NXPE4: variants seen among roughly 807,000 people sequenced by gnomAD.
NXPE4 encodes the protein neurexophilin and PC-esterase domain family member 4, also known as NXPE family member 4.
NXPE4 carries 42 observed loss-of-function variants against 33.3 expected under a neutral mutation model. The ratio of observed to expected loss-of-function variants is 1.26; its 90% CI spans 0.98 to 1.63. The LOEUF (loss-of-function observed/expected upper bound fraction) is 1.63. NXPE4 is among the 40% of genes most tolerant of loss of function. NXPE4 has a pLI of 0.00. For missense variants in NXPE4, 709 were observed against 647.6 expected, an observed-to-expected ratio of 1.09 and a Z score of -1.03; for synonymous variants, 253 against 234.9, an observed-to-expected ratio of 1.08 and a Z score of -0.71.
the NXPE4 span, among the ~76,000 whole-genome samples, chr11:114,635,381 T>A: frequency 2.7e-5 from 4 of 150,850 alleles, no homozygotes; most frequent in African/African-American, 9.8e-5. Context: ...CAATGGGGTT[T>A]TCTAGATATA....
At chr11:114,614,900 T>C in the NXPE4 span, among the ~76,000 whole-genome samples, 1 of 151,856 alleles carries the variant, frequency 6.6e-6, no homozygotes, top group Non-Finnish European at 1.5e-5. Flanking sequence ...GCCTCTAGGG[T>C]AATCACTGTT....
chr11:114,616,395 C>T, the NXPE4 span, among the ~76,000 whole-genome samples: 5 of 151,518 alleles, frequency 3.3e-5, no homozygotes, highest in Admixed American at 1.3e-4. Context: ...TAATTGTTGC[C>T]TCGTGGGTAA....
At chr11:114,634,174 A>G in the NXPE4 span, among the ~76,000 whole-genome samples, 3 of 151,540 alleles carry the variant, frequency 2.0e-5, no homozygotes, top group African/African-American at 7.3e-5. Flanking sequence ...GTGAGATGGT[A>G]TCTCATTGTG....
the NXPE4 span, among the ~76,000 whole-genome samples, chr11:114,613,761 TAA>T: frequency 2.6e-5 from 4 of 151,886 alleles, no homozygotes; most frequent in African/African-American, 9.7e-5. Context: ...CGGTGGATAA[TAA>T]GTGTTGCCTG....
the NXPE4 span, among the ~76,000 whole-genome samples, chr11:114,662,875 C>A: frequency 1.3e-3 from 192 of 152,238 alleles, no homozygotes; most frequent in African/African-American, 4.3e-3. Flanking sequence ...AGAGCACTTG[C>A]GCCTTGAATA....
the NXPE4 span, among the ~76,000 whole-genome samples, chr11:114,608,361 T>C: frequency 3.3e-5 from 5 of 151,850 alleles, no homozygotes; most frequent in South Asian, 2.1e-4. Context: ...GGGTAACAAC[T>C]CTTACCATGT....
the NXPE4 span, among the ~76,000 whole-genome samples, chr11:114,617,202 C>A: frequency 6.6e-6 from 1 of 151,722 alleles, no homozygotes; most frequent in Non-Finnish European, 1.5e-5. Flanking sequence ...TTGTTGGTAA[C>A]CACTGTTACG....
At chr11:114,630,881 C>G in the NXPE4 span, among the ~76,000 whole-genome samples, 10 of 151,838 alleles carry the variant, frequency 6.6e-5, no homozygotes, top group Non-Finnish European at 1.5e-4. Flanking sequence ...ACAGACACTT[C>G]TTAAAAGAAG....
the NXPE4 span, among the ~76,000 whole-genome samples, chr11:114,661,128 T>C: frequency 1.3e-5 from 2 of 152,120 alleles, no homozygotes; most frequent in Non-Finnish European, 2.9e-5. Context: ...ATAAATGGGC[T>C]CTGTTTGTGG....
At chr11:114,646,518 A>AT in the NXPE4 span, among the ~76,000 whole-genome samples, 1 of 151,972 alleles carries the variant, frequency 6.6e-6, no homozygotes, top group Admixed American at 6.6e-5. Flanking sequence ...GAACAATGTA[A>AT]TTTTTTAAAA....
intron 1 of NXPE4, among the ~76,000 whole-genome samples, chr11:114,595,267 C>A (rs1297558623): frequency 6.6e-6 from 1 of 152,032 alleles, no homozygotes; most frequent in East Asian, 1.9e-4. Context: ...TTTCTAGCAC[C>A]CCCTCAAGCT....
chr11:114,572,071 C>T (rs1251896984), intron 5 of NXPE4, among the ~76,000 whole-genome samples: 1 of 152,150 alleles, frequency 6.6e-6, no homozygotes, highest in Non-Finnish European at 1.5e-5. Flanking sequence ...GGGTCACATC[C>T]TATGGGATTC....
At chr11:114,628,318 G>A in the NXPE4 span, among the ~76,000 whole-genome samples, 3 of 151,734 alleles carry the variant, frequency 2.0e-5, no homozygotes, top group South Asian at 2.1e-4. Flanking sequence ...ATAACAAACT[G>A]TCTCTCAGAC....
At chr11:114,576,511 A>T (rs545160294) in intron 5 of NXPE4, among the ~76,000 whole-genome samples, 1 of 152,232 alleles carries the variant, frequency 6.6e-6, no homozygotes, top group South Asian at 2.1e-4. Context: ...CAAGAAAAAA[A>T]AAGTCCCATC....
chr11:114,638,960 C>T, the NXPE4 span, among the ~76,000 whole-genome samples: 1 of 152,034 alleles, frequency 6.6e-6, no homozygotes, highest in Non-Finnish European at 1.5e-5. Flanking sequence ...TTCAGATCTC[C>T]AGCTGTGAGC....
the NXPE4 span, among the ~76,000 whole-genome samples, chr11:114,637,542 C>A: frequency 6.6e-6 from 1 of 150,928 alleles, no homozygotes; most frequent in African/African-American, 2.4e-5. Context: ...TTAGTTGATA[C>A]AGTTTCTTCC....
At chr11:114,580,057 T>C in intron 5 of NXPE4, 75 bp downstream of exon 5, 1 of 1,253,748 alleles carries the variant, frequency 8.0e-7, no homozygotes, top group Non-Finnish European at 1.2e-6. Flanking sequence ...GAATTTCCCA[T>C]ATTCCCTTCT....
At chr11:114,634,645 G>T in the NXPE4 span, among the ~76,000 whole-genome samples, 3 of 151,990 alleles carry the variant, frequency 2.0e-5, no homozygotes, top group African/African-American at 7.2e-5. Flanking sequence ...TTTGTATAAG[G>T]TGTAAGGAAG....
At chr11:114,601,931 A>C in the NXPE4 span, among the ~76,000 whole-genome samples, 1 of 62,662 alleles carries the variant, frequency 1.6e-5, no homozygotes, top group Non-Finnish European at 2.9e-5. Flanking sequence ...TAATATATTT[A>C]TATATATTAT....
Sources: allele counts gnomAD v4.1 joint callset (sites outside exome capture counted in the v4.1 genomes callset), GRCh38; gene constraint gnomAD v4.1.1; transcripts MANE v1.5; gene names NCBI Gene and HGNC (gene_info 2026-07-23, HGNC 2026-07-21).